CAPRIN2: variants seen among roughly 807,000 people sequenced by gnomAD.
CAPRIN2 encodes caprin family member 2, also known as caprin-2.
A neutral mutation model predicts 130.4 loss-of-function variants in CAPRIN2; 66 were observed. That is an observed-to-expected ratio of 0.51 (90% CI 0.42 to 0.62). The LOEUF (loss-of-function observed/expected upper bound fraction) is 0.62. CAPRIN2 is among the 20% of genes least tolerant of loss of function. The probability of loss-of-function intolerance (pLI) is 0.00; values close to 1 mark genes in which losing one functional copy is unlikely to be tolerated. For synonymous variants in CAPRIN2, 471 were observed against 444.1 expected (o/e 1.06, Z -0.76); for missense variants, 1,185 against 1,246.6 (o/e 0.95, Z 0.74).
Position 30,711,596 on chromosome 12 carries a change from T to A in CAPRIN2, c.2635A>T (p.Thr879Ser), listed in dbSNP as rs200346010. 1.1e-5 allele frequency: 18 copies of A among 1,613,890 alleles called. No individual in the cohort carries two copies. The African/African-American group carries it at 2.4e-4, about 22-fold the overall frequency. ...GAATTTGCTCGTGGACCACCAGATGTCCCTCCTCGCTTATAACACTGCTGG... is the reference window on the plus strand; with the variant it reads ...GAATTTGCTCGTGGACCACCAGATGACCCTCCTCGCTTATAACACTGCTGG... Residue 879 changes from threonine to serine, a missense_variant, in exon 16 of 17, where the codon ACA (threonine) becomes TCA (serine). Thr to Ser is a moderately conservative substitution (Grantham distance 58). Around this residue, in one of 2 missense-constraint regions of CAPRIN2, gnomAD observed 1,104 missense variants for 1,104.3 expected, o/e 1.00. Transcript: ENST00000298892.
At chr12:30,723,864 A>C (rs930648945) in intron 10 of CAPRIN2, among the ~76,000 whole-genome samples, 2 of 152,380 alleles carry the variant, frequency 1.3e-5, no homozygotes, top group South Asian at 4.1e-4. Context: ...TATACTGCTC[A>C]CTAAAGCTGG....
chr12:30,741,618 T>A (rs1431567482), intron 2 of CAPRIN2, among the ~76,000 whole-genome samples: 12 of 152,096 alleles, frequency 7.9e-5, no homozygotes, highest in Admixed American at 5.9e-4. Context: ...AACTTTTTTT[T>A]AAAGATTTCC....
At chr12:30,712,899 TC>T (rs547849577) in intron 15 of CAPRIN2, among the ~76,000 whole-genome samples, 118 of 152,126 alleles carry the variant, frequency 7.8e-4, no homozygotes, top group African/African-American at 2.7e-3. Flanking sequence ...TGCCACCACG[TC>T]CGGCTAATTT....
chr12:30,713,141 C>G, intron 15 of CAPRIN2, among the ~76,000 whole-genome samples: 1 of 152,166 alleles, frequency 6.6e-6, no homozygotes, highest in Non-Finnish European at 1.5e-5. Context: ...CAACAGAACT[C>G]AGTATGGTAC....
chr12:30,718,649 T>A (rs1183867549), intron 12 of CAPRIN2, among the ~76,000 whole-genome samples: 1 of 151,942 alleles, frequency 6.6e-6, no homozygotes, highest in Non-Finnish European at 1.5e-5. Flanking sequence ...GAGATCAGGA[T>A]AAAATAAAAT....
chr12:30,725,109 C>G (rs928373003), intron 9 of CAPRIN2, among the ~76,000 whole-genome samples: 2 of 152,152 alleles, frequency 1.3e-5, no homozygotes, highest in African/African-American at 4.8e-5. Context: ...TAATCAGAAC[C>G]CCCATTTTTA....
At chr12:30,727,679 A>C (rs760342478) in intron 8 of CAPRIN2, among the ~76,000 whole-genome samples, 31 of 152,352 alleles carry the variant, frequency 2.0e-4, no homozygotes, top group Middle Eastern at 3.4e-3. Flanking sequence ...TCTACCTGAA[A>C]CAGGTTATTT....
At chr12:30,752,652 A>T (rs542130429) in intron 1 of CAPRIN2, among the ~76,000 whole-genome samples, 1 of 152,064 alleles carries the variant, frequency 6.6e-6, no homozygotes, top group Non-Finnish European at 1.5e-5. Context: ...TTTAAGGTCT[A>T]ACTAGGTCTT....
At chr12:30,727,697 A>T (rs533312816) in intron 8 of CAPRIN2, among the ~76,000 whole-genome samples, 10 of 152,366 alleles carry the variant, frequency 6.6e-5, no homozygotes, top group Non-Finnish European at 1.3e-4. Flanking sequence ...TTTATCCTTA[A>T]AAGAATGTGG....
chr12:30,736,155 A>G (rs997012086), intron 3 of CAPRIN2, among the ~76,000 whole-genome samples: 8 of 151,714 alleles, frequency 5.3e-5, no homozygotes, highest in African/African-American at 1.7e-4. Flanking sequence ...AAAAAAAAAA[A>G]GCAGTTTCCC....
At chr12:30,716,928 A>AAG (rs1332797138) in intron 12 of CAPRIN2, among the ~76,000 whole-genome samples, 2 of 152,216 alleles carry the variant, frequency 1.3e-5, no homozygotes, top group Non-Finnish European at 2.9e-5. Flanking sequence ...TATTATCAAA[A>AAG]AGACAGAAAA....
At chr12:30,729,429 C>A in intron 7 of CAPRIN2, 104 bp from the exon 9 acceptor site, 2 of 729,498 alleles carry the variant, frequency 2.7e-6, no homozygotes, top group Non-Finnish European at 4.2e-6. Context: ...TAAGTTGTTG[C>A]ACTAATATTA....
rs146424223 is a variant in CAPRIN2 at position 30,732,711 on chromosome 12, T to C, written c.892+918A>G. On this transcript the variant is annotated intron_variant, in intron 5 of 16. Transcript: ENST00000298892. ...TTTGAGATTCATCTATGTTGTTACA[T>C]GTATCAATAGTTCCGTCCCTTTTTT... Among the ~76,000 whole-genome samples, 65 of 152,242 alleles carry C rather than the reference T, an allele frequency of 4.3e-4. 2 individuals carry two copies. In the South Asian group the frequency reaches 9.5e-3, roughly 22 times the overall value.
chr12:30,752,104 T>C (rs552208654), intron 1 of CAPRIN2, among the ~76,000 whole-genome samples: 1 of 151,988 alleles, frequency 6.6e-6, no homozygotes, highest in Non-Finnish European at 1.5e-5. Context: ...GTATTTTTAG[T>C]AGAGACGGGG....
chr12:30,723,481 T>C (rs187831630), intron 10 of CAPRIN2, among the ~76,000 whole-genome samples, 167 bp from the exon 12 acceptor site: 26 of 152,338 alleles, frequency 1.7e-4, no homozygotes, highest in African/African-American at 6.3e-4. Context: ...GAGAGAACTG[T>C]AGAAGAATAG....
At chr12:30,734,587 G>A (rs564556716) in intron 4 of CAPRIN2, among the ~76,000 whole-genome samples, 89 of 152,230 alleles carry the variant, frequency 5.8e-4, no homozygotes, top group African/African-American at 2.1e-3. Flanking sequence ...CTTAAGTATA[G>A]CAGGAGTAAG....
At chr12:30,734,999 G>A in exon 4 of CAPRIN2, 1 of 1,613,754 alleles carries the variant, frequency 6.2e-7, no homozygotes, top group Non-Finnish European at 8.5e-7. Flanking sequence ...GGGCAGGTCA[G>A]TTTTGAAAAC....
exon 14 of CAPRIN2, chr12:30,715,122 T>A: frequency 6.2e-7 from 1 of 1,613,912 alleles, no homozygotes; most frequent in Non-Finnish European, 8.5e-7. Context: ...CTTGAATAGT[T>A]CCATCAGGAT....
intron 15 of CAPRIN2, 151 bp downstream of exon 17, chr12:30,713,634 A>C (rs2056213435): frequency 2.1e-6 from 1 of 485,762 alleles, no homozygotes; most frequent in Admixed American, 3.4e-5. Context: ...AAAAACTTCC[A>C]ACTCAACTCT....
Sources: gnomAD v4.1 joint callset for allele counts (sites outside exome capture counted in the v4.1 genomes callset) on GRCh38, gnomAD v4.1.1 for gene constraint, gnomAD v4.1.1 regional missense constraint, MANE v1.5 for transcripts, NCBI Gene and HGNC (gene_info 2026-07-23, HGNC 2026-07-21) for gene names.